The following CSMD1 variants were observed in gnomAD, a reference collection of about 807,000 sequenced individuals.
CSMD1 encodes CUB and Sushi multiple domains 1.
In CSMD1, 213 loss-of-function variants were observed where a neutral mutation model predicts 417.5. That is an observed-to-expected ratio of 0.51 (90% confidence interval 0.46 to 0.57). CSMD1 has a LOEUF of 0.57. CSMD1 is among the 20% of genes least tolerant of loss of function. CSMD1 has a pLI of 0.00. For missense variants in CSMD1, 6,923 were observed against 4,529.7 expected (o/e 1.53, Z -15.17); for synonymous variants, 2,862 against 1,736.8 (o/e 1.65, Z -16.11).
chr8:3,313,213 A>C (rs138695620), intron 23 of CSMD1, among the ~76,000 whole-genome samples: 2,931 of 152,260 alleles, frequency 0.019, 37 homozygotes, highest in East Asian at 0.036. Context: ...GCATGGGCAA[A>C]GACTTCATGT....
At chr8:4,953,118 G>C (rs887666999) in intron 1 of CSMD1, among the ~76,000 whole-genome samples, 1 of 152,084 alleles carries the variant, frequency 6.6e-6, no homozygotes, top group Non-Finnish European at 1.5e-5. Context: ...AATTGTAACA[G>C]TTATTAACTC....
At chr8:4,243,493 C>G (rs991579118) in intron 3 of CSMD1, among the ~76,000 whole-genome samples, 3 of 152,092 alleles carry the variant, frequency 2.0e-5, no homozygotes, top group African/African-American at 7.2e-5. Context: ...AAAACAGAAA[C>G]TTTCTAATTT....
chr8:4,417,823 C>T (rs368106034), intron 3 of CSMD1, among the ~76,000 whole-genome samples: 25 of 152,004 alleles, frequency 1.6e-4, no homozygotes, highest in African/African-American at 5.8e-4. Flanking sequence ...GGTGTATTTG[C>T]TTATTTTATG....
rs753953439 is a variant in CSMD1 at position 3,157,942 on chromosome 8, G to T, written c.5869C>A (p.Pro1957Thr). Residue 1957 changes from proline (P) to threonine (T), a missense_variant, in exon 39 of 70, where the codon CCA becomes ACA. Transcript: ENST00000635120. ...LQGRSHISCMPGTVRRWNYPS... is the reference protein window; with the variant it reads ...LQGRSHISCMTGTVRRWNYPS... Reference sequence around the variant, plus strand: ...TAGTTCCAACGGCGAACGGTCCCTGGCATACAGGAAATGTGGGAACGGCCC... The same window carrying T: ...TAGTTCCAACGGCGAACGGTCCCTGTCATACAGGAAATGTGGGAACGGCCC... 1.3e-6 allele frequency: 2 copies of T among 1,554,524 alleles called. No homozygotes were observed. Among genetic ancestry groups the T allele is most frequent in the South Asian group, 1.2e-5 (1 of 84,100 alleles).
At chr8:4,068,816 G>T (rs1314007102) in intron 3 of CSMD1, among the ~76,000 whole-genome samples, 1 of 152,114 alleles carries the variant, frequency 6.6e-6, no homozygotes, top group Non-Finnish European at 1.5e-5. Context: ...TGAATTCATG[G>T]TATCAGTGAC....
At chr8:4,633,697 C>G (rs1360583528) in intron 2 of CSMD1, among the ~76,000 whole-genome samples, 2 of 152,120 alleles carry the variant, frequency 1.3e-5, no homozygotes, top group African/African-American at 4.8e-5. Flanking sequence ...GCTGGACTTA[C>G]AGATGCCTGC....
intron 3 of CSMD1, among the ~76,000 whole-genome samples, chr8:4,167,655 G>T (rs1257031876): frequency 6.6e-6 from 1 of 152,092 alleles, no homozygotes; most frequent in African/African-American, 2.4e-5. Flanking sequence ...GATACAGATT[G>T]GCCACATAAA....
chr8:3,842,537 C>G (rs1223694085), intron 5 of CSMD1, among the ~76,000 whole-genome samples: 1 of 151,598 alleles, frequency 6.6e-6, no homozygotes, highest in African/African-American at 2.4e-5. Flanking sequence ...AGATCTAGGT[C>G]AGAAATTGTA....
At chr8:4,719,810 C>A (rs1808932311) in intron 1 of CSMD1, among the ~76,000 whole-genome samples, 1 of 152,058 alleles carries the variant, frequency 6.6e-6, no homozygotes, top group Non-Finnish European at 1.5e-5. Context: ...CTATTGCTGC[C>A]TTTTACTTTC....
intron 3 of CSMD1, among the ~76,000 whole-genome samples, chr8:4,331,593 A>C (rs1799872643): frequency 6.6e-6 from 1 of 152,170 alleles, no homozygotes; most frequent in South Asian, 2.1e-4. Flanking sequence ...ATGGGGCAAC[A>C]TTTATAGTGG....
intron 5 of CSMD1, among the ~76,000 whole-genome samples, chr8:3,792,224 G>A (rs896977509): frequency 1.3e-4 from 20 of 151,876 alleles, no homozygotes; most frequent in African/African-American, 4.4e-4. Context: ...GCCCAGGAGG[G>A]CGAGGCTGCA....
intron 5 of CSMD1, among the ~76,000 whole-genome samples, chr8:3,874,844 TA>T (rs563442333): frequency 2.7e-4 from 41 of 152,142 alleles, no homozygotes; most frequent in African/African-American, 9.4e-4. Context: ...GGAGGATGAA[TA>T]AACCCATTAA....
At chr8:3,391,903 G>A (rs1026223104) in intron 17 of CSMD1, among the ~76,000 whole-genome samples, 14 of 152,118 alleles carry the variant, frequency 9.2e-5, no homozygotes, top group Admixed American at 5.9e-4. Context: ...CAGAAGAGAT[G>A]AGCAATATTC....
At chr8:4,813,647 T>C (rs182954889) in intron 1 of CSMD1, among the ~76,000 whole-genome samples, 1 of 152,164 alleles carries the variant, frequency 6.6e-6, no homozygotes, top group Non-Finnish European at 1.5e-5. Flanking sequence ...TGTAATAACA[T>C]CAATTTACAC....
chr8:4,903,180 G>A (rs952272091), intron 1 of CSMD1, among the ~76,000 whole-genome samples: 1 of 152,084 alleles, frequency 6.6e-6, no homozygotes, highest in Non-Finnish European at 1.5e-5. Context: ...CTTCCCACAG[G>A]AACATTTGTT....
At chr8:4,641,893 C>T (rs1335028426) in intron 1 of CSMD1, among the ~76,000 whole-genome samples, 1 of 152,200 alleles carries the variant, frequency 6.6e-6, no homozygotes, top group Non-Finnish European at 1.5e-5. Context: ...GAAACATAAA[C>T]ATCACTCATA....
At chr8:4,256,242 T>C (rs1340291382) in intron 3 of CSMD1, among the ~76,000 whole-genome samples, 2 of 152,302 alleles carry the variant, frequency 1.3e-5, no homozygotes, top group South Asian at 2.1e-4. Context: ...ACCAACCTTC[T>C]CTCTCTGCTT....
rs531710448 is a variant in CSMD1, at chr8:4,390,414, G to A, written c.415+29539C>T. ...AATGTAACAGGAGAAATAAAACATC[G>A]TATAGAGATATGATAAATGACATAT... On this transcript the variant is annotated intron_variant, in intron 3 of 69. Transcript: ENST00000635120. Among the ~76,000 whole-genome samples the A allele has an allele frequency of 1.3e-3, 200 of 152,038 alleles. 1 individual carries two copies. Among genetic ancestry groups the A allele is most frequent in the Middle Eastern group, 3.4e-3 (1 of 294 alleles).
intron 26 of CSMD1, among the ~76,000 whole-genome samples, chr8:3,255,160 C>T (rs1010048094): frequency 3.3e-5 from 5 of 152,154 alleles, no homozygotes; most frequent in Non-Finnish European, 5.9e-5. Flanking sequence ...GCCTGGGTAT[C>T]AGTAGCAGAG....
Sources: gnomAD v4.1 joint callset for allele counts (sites outside exome capture counted in the v4.1 genomes callset) on GRCh38, gnomAD v4.1.1 for gene constraint, MANE v1.5 for transcripts, NCBI Gene and HGNC (gene_info 2026-07-23, HGNC 2026-07-21) for gene names.